ROBO2: variants seen among roughly 807,000 people sequenced by gnomAD.
ROBO2 encodes the protein roundabout guidance receptor 2, also known as roundabout homolog 2.
In ROBO2, 53 loss-of-function variants were observed where a neutral mutation model predicts 160.8. That is an observed-to-expected ratio of 0.33 (90% CI 0.26 to 0.41). The LOEUF is 0.41. Ranked by LOEUF, ROBO2 falls within the 10% of genes least tolerant of loss-of-function variation. ROBO2 has a pLI of 1.00. For missense variants in ROBO2, 1,577 were observed against 1,722.4 expected (o/e 0.92, Z 1.49); for synonymous variants, 664 against 611.7 (o/e 1.09, Z -1.26).
At chr3:77,264,112 C>T (rs764963845) in intron 2 of ROBO2, among the ~76,000 whole-genome samples, 3 of 151,970 alleles carry the variant, frequency 2.0e-5, no homozygotes, top group Non-Finnish European at 4.4e-5. Context: ...AACCCCACTG[C>T]CATAGATGCC....
At chr3:77,192,059 A>G (rs991436265) in intron 2 of ROBO2, among the ~76,000 whole-genome samples, 1 of 152,166 alleles carries the variant, frequency 6.6e-6, no homozygotes, top group Admixed American at 6.6e-5. Context: ...CTCTTTATTG[A>G]GAAAGTAAGC....
At chr3:77,197,610 G>A (rs971719462) in intron 2 of ROBO2, among the ~76,000 whole-genome samples, 2 of 152,198 alleles carry the variant, frequency 1.3e-5, no homozygotes, top group African/African-American at 2.4e-5. Flanking sequence ...ATCAGAAAGG[G>A]GGTGAGACTT....
chr3:77,483,634 G>A (rs1359555731), intron 4 of ROBO2, among the ~76,000 whole-genome samples: 1 of 150,788 alleles, frequency 6.6e-6, no homozygotes, highest in Non-Finnish European at 1.5e-5. Flanking sequence ...AAGGTCCTTT[G>A]CAGTTCAATC....
intron 2 of ROBO2, among the ~76,000 whole-genome samples, chr3:76,191,006 T>C (rs1701980634): frequency 6.6e-6 from 1 of 152,170 alleles, no homozygotes; most frequent in Admixed American, 6.6e-5. Flanking sequence ...GAATGGGTTA[T>C]ATTAATCGCA....
Position 76,426,634 on chromosome 3 carries a change from G to T in ROBO2, c.109+489032G>T, listed in dbSNP as rs563567923. ...AAAGGAAACAAACAGGAGAGAGTGG[G>T]AAGTGGGCTTAGATGAAAGGGGTGA... On this transcript the variant is annotated intron_variant, in intron 2 of 26. Transcript: ENST00000487694. Among the ~76,000 whole-genome samples the T allele has an allele frequency of 2.6e-5, 4 of 152,314 alleles. No homozygotes were observed. In the East Asian group the frequency reaches 7.7e-4, roughly 29 times the overall value.
At position 76,929,749 on chromosome 3, in the gene ROBO2, A is replaced by G. The variant is rs2077218414; in HGVS notation, c.110-168265A>G. On this transcript the variant is annotated intron_variant, in intron 2 of 26. Transcript: ENST00000487694. ...TGAATCTCAGGGAAGAAGAGACTCC[A>G]GTGTCTGTGGGTCTCAGGGAAGAAG... Among the ~76,000 whole-genome samples the G allele has an allele frequency of 2.6e-5, 4 of 152,096 alleles. No individual in the cohort carries two copies. The South Asian group carries it at 8.4e-4, about 32-fold the overall frequency.
intron 2 of ROBO2, among the ~76,000 whole-genome samples, chr3:76,370,298 CT>C (rs2076041086): frequency 1.3e-5 from 2 of 151,906 alleles, no homozygotes; most frequent in Admixed American, 1.3e-4. Flanking sequence ...ATAATTTGAG[CT>C]TTTCTTGTAT....
At position 77,558,025 on chromosome 3, in the gene ROBO2, A is replaced by T. The variant is rs1244150918; in HGVS notation, c.1313A>T (p.Lys438Ile). 2.5e-6 allele frequency: 4 copies of T among 1,613,102 alleles called. No individual in the cohort carries two copies. In the African/African-American group the frequency reaches 5.3e-5, roughly 22 times the overall value. Residue 438 changes from lysine (K) to isoleucine (I), a missense_variant, in exon 9 of 26, where the codon AAA becomes ATA. Transcript: ENST00000461745. ...GCAGTGGATGGTACAGCGTTACTGA[A>T]ATGTAAAGCCACTGGTGATCCTCTT...
rs547960330 is a variant in ROBO2, at chr3:76,335,609, G to A, written c.109+398007G>A. Among the ~76,000 whole-genome samples the A allele has an allele frequency of 8.4e-5, 12 of 142,576 alleles. No individual in the cohort carries two copies. In the East Asian group the frequency reaches 8.6e-4, roughly 10 times the overall value. 93.5% of individuals were successfully genotyped at this position (142,576 alleles called of 152,430 possible). On this transcript the variant is annotated intron_variant, in intron 2 of 26. Transcript: ENST00000487694. ...TTTTTTTTTTTTGAGACGGAGTCTCGCTCTGTCGCCCAGGCTGGAGTGCAG... is the reference window on the plus strand; with the variant it reads ...TTTTTTTTTTTTGAGACGGAGTCTCACTCTGTCGCCCAGGCTGGAGTGCAG...
chr3:76,401,753 AT>A (rs1553739375), intron 2 of ROBO2, among the ~76,000 whole-genome samples: 1 of 151,498 alleles, frequency 6.6e-6, no homozygotes, highest in Non-Finnish European at 1.5e-5. Flanking sequence ...AAAAAAAACT[AT>A]CATAAAACTG....
intron 2 of ROBO2, among the ~76,000 whole-genome samples, chr3:76,926,626 T>C (rs564454937): frequency 6.6e-6 from 1 of 152,332 alleles, no homozygotes; most frequent in African/African-American, 2.4e-5. Flanking sequence ...TACTGACTGA[T>C]TGACAACACT....
At chr3:77,403,179 C>T (rs961079151) in intron 2 of ROBO2, among the ~76,000 whole-genome samples, 11 of 152,200 alleles carry the variant, frequency 7.2e-5, no homozygotes, top group African/African-American at 2.7e-4. Flanking sequence ...CTAAACCAAG[C>T]TAGTTAACAT....
intron 2 of ROBO2, among the ~76,000 whole-genome samples, chr3:76,080,906 A>T (rs1286345645): frequency 6.6e-6 from 1 of 152,158 alleles, no homozygotes; most frequent in Non-Finnish European, 1.5e-5. Context: ...TATGACACAC[A>T]ATCTTACAAT....
intron 1 of ROBO2, among the ~76,000 whole-genome samples, chr3:75,925,350 A>G (rs1244105088): frequency 2.0e-5 from 3 of 152,108 alleles, no homozygotes; most frequent in East Asian, 1.9e-4. Context: ...TGATTATGCC[A>G]CTGCGCTCCA....
chr3:76,726,760 T>C (rs1000327071), intron 2 of ROBO2, among the ~76,000 whole-genome samples: 3 of 152,206 alleles, frequency 2.0e-5, no homozygotes, highest in African/African-American at 7.2e-5. Flanking sequence ...TTGTGCCTAA[T>C]TAGTTCTTCA....
intron 2 of ROBO2, among the ~76,000 whole-genome samples, chr3:76,875,378 G>A (rs2072596833): frequency 6.6e-6 from 1 of 152,186 alleles, no homozygotes; most frequent in African/African-American, 2.4e-5. Flanking sequence ...GCTGTGCATA[G>A]TGTATTAGAT....
chr3:76,242,911 C>G (rs757813809), intron 2 of ROBO2, among the ~76,000 whole-genome samples: 12 of 142,542 alleles, frequency 8.4e-5, no homozygotes, highest in Non-Finnish European at 1.8e-4. Flanking sequence ...AAAACAACAA[C>G]AAAACAACTG....
At chr3:76,251,549 A>G (rs1261133778) in intron 2 of ROBO2, among the ~76,000 whole-genome samples, 4 of 152,090 alleles carry the variant, frequency 2.6e-5, no homozygotes, top group Non-Finnish European at 4.4e-5. Context: ...TTCTCTAGCA[A>G]AGTGTCATAT....
At chr3:77,577,602 C>G in exon 15 of ROBO2, 11 of 1,613,234 alleles carry the variant, frequency 6.8e-6, no homozygotes, top group Non-Finnish European at 8.5e-6. Flanking sequence ...ATGGAATTAT[C>G]CAAGAATACA....
Sources: allele counts gnomAD v4.1 joint callset (sites outside exome capture counted in the v4.1 genomes callset), GRCh38; gene constraint gnomAD v4.1.1; transcripts MANE v1.5; gene names NCBI Gene and HGNC (gene_info 2026-07-23, HGNC 2026-07-21).